The following NKTR variants were observed in gnomAD, a reference collection of about 807,000 sequenced individuals.
NKTR encodes the protein natural killer cell triggering receptor, also known as NK-tumor recognition protein.
Under a neutral mutation model 156.3 loss-of-function variants are expected in NKTR, and 67 were observed. The ratio of observed to expected loss-of-function variants is 0.43; its 90% CI spans 0.35 to 0.53. The LOEUF (loss-of-function observed/expected upper bound fraction) is 0.53. NKTR is among the 20% of genes least tolerant of loss of function. The probability of loss-of-function intolerance (pLI) is 0.01; values close to 1 mark genes in which losing one functional copy is unlikely to be tolerated. For missense variants in NKTR, 1,604 were observed against 1,730.9 expected (o/e 0.93, Z 1.30); for synonymous variants, 640 against 596.6 (o/e 1.07, Z -1.06).
intron 2 of NKTR, among the ~76,000 whole-genome samples, chr3:42,604,635 A>C (rs1185372771): frequency 8.6e-6 from 1 of 116,828 alleles, no homozygotes; most frequent in African/African-American, 3.2e-5. Flanking sequence ...AACAACTGTA[A>C]TTGTGGATTT....
chr3:42,606,260 C>G (rs1330436875), intron 2 of NKTR, among the ~76,000 whole-genome samples: 1 of 152,104 alleles, frequency 6.6e-6, no homozygotes, highest in East Asian at 1.9e-4. Context: ...CCCCCAGTTC[C>G]CATTTTTATA....
rs567161901 is a variant in NKTR, at chr3:42,644,016, C to G, written c.4301+13C>G. 1.3e-6 allele frequency: 2 copies of G among 1,564,686 alleles called. No individual in the cohort carries two copies. The highest frequency in any genetic ancestry group is 1.8e-6 in the Non-Finnish European group (2 of 1,136,902). ...ATCGGCGGTCCAGGTGGGTCTCTCT[C>G]CTTTATCGTCCTTTATCGCACTGTA... is the stretch of plus-strand genomic sequence containing the variant. On this transcript the variant is annotated intron_variant, in intron 16 of 16. Coordinates refer to ENST00000232978, the MANE Select transcript of NKTR (RefSeq NM_005385.4).
At position 42,638,797 on chromosome 3, in the gene NKTR, T is replaced by C; in HGVS notation, c.3093T>C (p.Asp1031=). Residue 1031 remains aspartate (D), a synonymous_variant, in exon 13 of 17, where the codon GAT becomes GAC. Transcript: ENST00000232978. ...EFGEEEEEEI[D]DKQVTQESKE... ...GTGAAGAGGAGGAGGAGGAGATTGA[T>C]GACAAGCAAGTTACTCAGGAATCAA... 6.2e-7 allele frequency: 1 copy of C among 1,611,714 alleles called. No homozygotes were observed. Among genetic ancestry groups the C allele is most frequent in the South Asian group, 1.1e-5 (1 of 90,346 alleles).
intron 4 of NKTR, 27 bp from the exon 5 acceptor site, chr3:42,619,637 T>C (rs371288308): frequency 1.9e-6 from 3 of 1,603,486 alleles, no homozygotes; most frequent in Non-Finnish European, 2.6e-6. Flanking sequence ...ATGTTCATTA[T>C]GGCTTAAAGT....
At position 42,647,678 on chromosome 3, in the gene NKTR, G is replaced by A. The variant is rs2125832372; in HGVS notation, c.*1703G>A. Reference sequence around the variant, plus strand: ...CAAAACAGTATGATTTATATTAAAGGTTTCCAAAGGTTGCCTGCAAAGGAG... The same window carrying A: ...CAAAACAGTATGATTTATATTAAAGATTTCCAAAGGTTGCCTGCAAAGGAG... On this transcript the variant is annotated 3_prime_UTR_variant, in exon 17 of 17. Coordinates refer to ENST00000232978, the MANE Select transcript of NKTR (RefSeq NM_005385.4). 6.6e-6 allele frequency: 1 copy of A among 152,200 alleles called. No homozygotes were observed. The highest frequency in any genetic ancestry group is 2.1e-4 in the South Asian group (1 of 4,828). 9.4% of individuals were successfully genotyped at this position (152,200 alleles called of 1,614,324 possible).
chr3:42,602,225 A>C (rs1037567062), intron 2 of NKTR: 2 of 152,174 alleles, frequency 1.3e-5, no homozygotes, highest in Non-Finnish European at 2.9e-5. Flanking sequence ...CAAATACTTC[A>C]TTGTGTTAAA....
At chr3:42,627,049 T>G in intron 6 of NKTR, 1 of 511,482 alleles carries the variant, frequency 2.0e-6, no homozygotes, top group South Asian at 8.5e-5. Flanking sequence ...AAAGAAAATT[T>G]AGAGCCCTCC....
intron 2 of NKTR, chr3:42,602,782 G>C (rs1054451153): frequency 9.2e-5 from 14 of 152,072 alleles, no homozygotes; most frequent in Non-Finnish European, 1.9e-4. Flanking sequence ...TTGGGAGGCA[G>C]ACGCGGGTGT....
chr3:42,627,423 T>C, intron 6 of NKTR: 2 of 985,016 alleles, frequency 2.0e-6, no homozygotes, highest in Non-Finnish European at 2.4e-6. Flanking sequence ...GTGGCTTGTT[T>C]CCACCAAGTT....
At chr3:42,607,967 C>CTGTTTTT (rs1706383846) in intron 2 of NKTR, among the ~76,000 whole-genome samples, 4 of 76,762 alleles carry the variant, frequency 5.2e-5, no homozygotes, top group South Asian at 8.9e-4. Flanking sequence ...TCCTGAGTCG[C>CTGTTTTT]TCTTTTTTTT....
chr3:42,621,275 G>A (rs1707876911), intron 5 of NKTR, 154 bp from the exon 6 acceptor site: 1 of 1,325,166 alleles, frequency 7.5e-7, no homozygotes, highest in Non-Finnish European at 9.6e-7. Flanking sequence ...TTTGTTATTT[G>A]ATTAGCTTAA....
intron 7 of NKTR, 101 bp downstream of exon 7, chr3:42,630,676 C>G (rs1447674769): frequency 1.3e-6 from 2 of 1,546,888 alleles, no homozygotes; most frequent in African/African-American, 1.4e-5. Flanking sequence ...CTCTTGATGT[C>G]TGGCTTAATC....
At position 42,630,581 on chromosome 3, in the gene NKTR, A is replaced by G. The variant is rs956869871; in HGVS notation, c.404+6A>G. The G allele has an allele frequency of 3.5e-5, 57 of 1,613,846 alleles. No individual in the cohort carries two copies. The highest frequency in any genetic ancestry group is 4.8e-5 in the Non-Finnish European group (57 of 1,179,910). On this transcript the variant is annotated splice_donor_region_variant and intron_variant, in intron 7 of 16. Transcript: ENST00000232978. ...CCTGCTCCACACCTGGATGGGTAAG[A>G]GTTACATTCTTACTACATTGGGGAA...
rs1219432671 is a variant in NKTR at position 42,638,773 on chromosome 3, TGAA to T, written c.3072_3074del (p.Glu1029del). On this transcript the variant is annotated inframe_deletion, in exon 13 of 17. Transcript: ENST00000232978. ...ACTGGCAGCCTCCACTAGAATTTGG[TGAA>T]GAGGAGGAGGAGGAGATTGATGACA... 1 of 1,613,686 alleles carries T rather than the reference TGAA, an allele frequency of 6.2e-7. No individual in the cohort carries two copies. The highest frequency in any genetic ancestry group is 8.5e-7 in the Non-Finnish European group (1 of 1,179,976).
chr3:42,619,342 A>G, intron 4 of NKTR: 1 of 1,251,298 alleles, frequency 8.0e-7, no homozygotes, highest in Non-Finnish European at 1.0e-6. Flanking sequence ...AGTTTATTTT[A>G]TTAATATTAT....
chr3:42,627,416 GC>G, intron 6 of NKTR: 1 of 984,972 alleles, frequency 1.0e-6, no homozygotes, highest in East Asian at 1.1e-4. Flanking sequence ...AACTTCAGTG[GC>G]TTGTTTCCAC....
chr3:42,638,726 C>T lies in NKTR; in HGVS notation c.3022C>T (p.Pro1008Ser), dbSNP rs755378772. 6 of 1,613,872 alleles carry T rather than the reference C, an allele frequency of 3.7e-6. No individual in the cohort carries two copies. The highest frequency in any genetic ancestry group is 1.7e-5 in the Admixed American group (1 of 60,000). The change falls in exon 13 of 17, where the codon CCA (proline) becomes TCA (serine). Residue 1008 changes from proline (P) to serine (S), a missense_variant. Around this residue, in one of 6 missense-constraint regions of NKTR, gnomAD observed 1,255 missense variants for 1,243.7 expected, o/e 1.01. Coordinates refer to ENST00000232978, the MANE Select transcript of NKTR (RefSeq NM_005385.4). The stretch of plus-strand genomic sequence containing the variant: ...GAAAAAAGACAAAAAGCATAAGGCT[C>T]CAAAACGAAAGCAAGCATTTCACTG... The part of the protein sequence containing the change: ...KGKKDKKHKA[P>S]KRKQAFHWQP...
intron 13 of NKTR, among the ~76,000 whole-genome samples, chr3:42,641,833 G>A (rs917476663): frequency 2.7e-5 from 4 of 150,312 alleles, no homozygotes; most frequent in Admixed American, 1.3e-4. Flanking sequence ...AGCCAAGATC[G>A]CGCCACTGCA....
chr3:42,615,375 G>A (rs1011916755), intron 2 of NKTR, among the ~76,000 whole-genome samples: 1 of 151,282 alleles, frequency 6.6e-6, no homozygotes, highest in South Asian at 2.1e-4. Flanking sequence ...CACCATGCCT[G>A]GCCGAGATTT....
Sources: allele counts gnomAD v4.1 joint callset (sites outside exome capture counted in the v4.1 genomes callset), GRCh38; gene constraint gnomAD v4.1.1; regional missense constraint gnomAD v4.1.1; transcripts MANE v1.5; gene names NCBI Gene and HGNC (gene_info 2026-07-23, HGNC 2026-07-21).